The following ERBB4 variants were observed in gnomAD, a reference collection of about 807,000 sequenced individuals.
The protein encoded by ERBB4 is receptor tyrosine-protein kinase erbB-4.
Under a neutral mutation model 158.0 loss-of-function variants are expected in ERBB4, and 42 were observed. The observed-to-expected ratio is 0.27, with a 90% CI of 0.21 to 0.34. The LOEUF (loss-of-function observed/expected upper bound fraction) is 0.34. ERBB4 is among the 10% of genes least tolerant of loss of function. The pLI is 1.00. For synonymous variants in ERBB4, 583 were observed against 558.7 expected (o/e 1.04, Z -0.61); for missense variants, 1,333 against 1,624.1 (o/e 0.82, Z 3.08).
At chr2:211,453,479 A>T (rs1302748408) in intron 20 of ERBB4, among the ~76,000 whole-genome samples, 3 of 152,152 alleles carry the variant, frequency 2.0e-5, no homozygotes, top group Non-Finnish European at 4.4e-5. Context: ...ATCTTCACTA[A>T]TGAATTATCA....
intron 1 of ERBB4, among the ~76,000 whole-genome samples, chr2:212,349,807 T>G (rs1489796406): frequency 2.6e-5 from 4 of 152,042 alleles, no homozygotes; most frequent in Non-Finnish European, 5.9e-5. Context: ...GCCAAAACTA[T>G]ATCTTATAGT....
chr2:211,956,680 T>A (rs2081043992), intron 2 of ERBB4, among the ~76,000 whole-genome samples: 1 of 152,138 alleles, frequency 6.6e-6, no homozygotes, highest in South Asian at 2.1e-4. Context: ...ATATTTTGTA[T>A]AAGTTTAGGA....
At chr2:211,912,470 C>G (rs894551010) in intron 3 of ERBB4, among the ~76,000 whole-genome samples, 1 of 152,012 alleles carries the variant, frequency 6.6e-6, no homozygotes, top group Non-Finnish European at 1.5e-5. Context: ...GCTATAACAT[C>G]ACTTTGTACC....
intron 3 of ERBB4, among the ~76,000 whole-genome samples, chr2:211,896,625 G>A (rs1489301014): frequency 1.3e-5 from 2 of 152,034 alleles, no homozygotes; most frequent in Non-Finnish European, 2.9e-5. Flanking sequence ...TCTTGAGAAG[G>A]TTGGTATCAT....
At chr2:211,839,152 AAGGAGGAGG>A (rs71409858) in intron 3 of ERBB4, among the ~76,000 whole-genome samples, 3,565 of 110,774 alleles carry the variant, frequency 0.032, 159 homozygotes, top group African/African-American at 0.076. Flanking sequence ...GGAGAGAGAG[AAGGAGGAGG>A]AGGAGGAGGA....
At chr2:211,448,106 G>A (rs1211954326) in intron 20 of ERBB4, among the ~76,000 whole-genome samples, 2 of 152,026 alleles carry the variant, frequency 1.3e-5, no homozygotes, top group Admixed American at 1.3e-4. Flanking sequence ...CCCAGTAGCT[G>A]CGATTACACA....
chr2:211,810,477 T>C (rs1249876701), intron 3 of ERBB4, among the ~76,000 whole-genome samples: 1 of 152,166 alleles, frequency 6.6e-6, no homozygotes, highest in East Asian at 1.9e-4. Flanking sequence ...TCTTTGTTTG[T>C]TTAAAGTCTG....
intron 3 of ERBB4, among the ~76,000 whole-genome samples, chr2:211,896,923 A>T (rs1008873971): frequency 6.6e-6 from 1 of 151,882 alleles, no homozygotes; most frequent in African/African-American, 2.4e-5. Flanking sequence ...TACTTAGTCA[A>T]ATTTTTGGCT....
chr2:212,124,631 T>C (rs2125569796), intron 2 of ERBB4, 121 bp downstream of exon 2: 3 of 1,104,934 alleles, frequency 2.7e-6, no homozygotes, highest in Admixed American at 3.6e-5. Flanking sequence ...CTTTTGCCTA[T>C]AGTCACAGTG....
intron 1 of ERBB4, among the ~76,000 whole-genome samples, chr2:212,416,607 GA>G (rs2091659977): frequency 6.6e-6 from 1 of 152,070 alleles, no homozygotes; most frequent in African/African-American, 2.4e-5. Flanking sequence ...TTAAGACCAT[GA>G]CAAGATTAAT....
At chr2:212,015,380 A>G (rs1473836717) in intron 2 of ERBB4, among the ~76,000 whole-genome samples, 1 of 151,994 alleles carries the variant, frequency 6.6e-6, no homozygotes, top group East Asian at 1.9e-4. Context: ...GTGATTGGCC[A>G]TTGTCCTTGG....
At chr2:212,108,518 T>G (rs1376414741) in intron 2 of ERBB4, among the ~76,000 whole-genome samples, 1 of 152,166 alleles carries the variant, frequency 6.6e-6, no homozygotes, top group Non-Finnish European at 1.5e-5. Context: ...GCCAGTATTT[T>G]TTATACCATA....
At chr2:212,520,733 A>G (rs1692111555) in intron 1 of ERBB4, among the ~76,000 whole-genome samples, 1 of 151,998 alleles carries the variant, frequency 6.6e-6, no homozygotes, top group South Asian at 2.1e-4. Context: ...ATTCTAACCC[A>G]CGGACTGTAG....
intron 3 of ERBB4, among the ~76,000 whole-genome samples, chr2:211,937,592 C>T (rs1482394095): frequency 1.3e-5 from 2 of 152,084 alleles, no homozygotes; most frequent in African/African-American, 2.4e-5. Context: ...CCTCATGAAA[C>T]TCACAATCAT....
chr2:211,629,553 A>G (rs1337520058), intron 17 of ERBB4, among the ~76,000 whole-genome samples: 7 of 151,962 alleles, frequency 4.6e-5, no homozygotes, highest in African/African-American at 7.3e-5. Flanking sequence ...CTACTTTAAA[A>G]TTCATATGGA....
chr2:211,539,166 A>G (rs148772849), intron 20 of ERBB4, among the ~76,000 whole-genome samples: 194 of 152,062 alleles, frequency 1.3e-3, no homozygotes, highest in African/African-American at 4.5e-3. Flanking sequence ...CATTCATGAA[A>G]TCAATAAAAC....
At chr2:211,867,024 CAAA>C (rs386392490) in intron 3 of ERBB4, among the ~76,000 whole-genome samples, 649 of 60,620 alleles carry the variant, frequency 0.011, 7 homozygotes, top group African/African-American at 0.041. Flanking sequence ...TCCTTAAAAC[CAAA>C]AAAAAAAAAA....
intron 2 of ERBB4, among the ~76,000 whole-genome samples, chr2:212,037,487 T>G (rs2077042287): frequency 6.6e-6 from 1 of 152,190 alleles, no homozygotes; most frequent in African/African-American, 2.4e-5. Flanking sequence ...TATAAATGCT[T>G]TATAAGTGTA....
chr2:212,509,090 C>T (rs1451079468), intron 1 of ERBB4, among the ~76,000 whole-genome samples: 1 of 152,018 alleles, frequency 6.6e-6, no homozygotes, highest in Non-Finnish European at 1.5e-5. Context: ...AGAATATTCC[C>T]ATAACTTAGA....
Sources: allele counts gnomAD v4.1 joint callset (sites outside exome capture counted in the v4.1 genomes callset), GRCh38; gene constraint gnomAD v4.1.1; transcripts MANE v1.5; gene names NCBI Gene and HGNC (gene_info 2026-07-23, HGNC 2026-07-21).